Variants in APC2 observed in about 807,000 individuals in gnomAD.
The protein encoded by APC2 is APC regulator of Wnt signaling pathway 2.
Under a neutral mutation model 72.5 loss-of-function variants are expected in APC2, and 41 were observed. The observed-to-expected ratio is 0.57, with a 90% confidence interval of 0.44 to 0.73. The LOEUF (loss-of-function observed/expected upper bound fraction) is 0.73. Ranked by LOEUF, APC2 falls within the 30% of genes least tolerant of loss-of-function variation. The pLI is 0.00. For synonymous variants in APC2, 1,898 were observed against 1,612.0 expected (o/e 1.18, Z -4.25); for missense variants, 3,729 against 3,403.4 (o/e 1.10, Z -2.38).
chr19:1,466,478 G>A lies in APC2; in HGVS notation c.3177G>A (p.Ala1059=), dbSNP rs759783697. 3.8e-6 allele frequency: 6 copies of A among 1,597,966 alleles called. No homozygotes were observed. Among genetic ancestry groups the A allele is most frequent in the Non-Finnish European group, 4.2e-6 (5 of 1,179,484 alleles). The change falls in exon 15 of 15, where the codon GCG becomes GCA. Residue 1059 remains alanine, a synonymous_variant. Coordinates refer to ENST00000590469, the MANE Select transcript of APC2 (RefSeq NM_005883.3). The part of the protein sequence containing the change: ...SVASKALQKL[A]AQEGPLSLSR... Reference sequence around the variant, plus strand: ...CCAGCAAGGCACTGCAGAAACTGGCGGCGCAAGAGGGGCCACTCTCGCTGT... The same window carrying A: ...CCAGCAAGGCACTGCAGAAACTGGCAGCGCAAGAGGGGCCACTCTCGCTGT...
At chr19:1,463,085 G>A (rs1298909927) in intron 14 of APC2, among the ~76,000 whole-genome samples, 1 of 151,796 alleles carries the variant, frequency 6.6e-6, no homozygotes, top group African/African-American at 2.4e-5. Context: ...AGATCAGCCT[G>A]ACCAACATGG....
chr19:1,468,800 G>C lies in APC2; in HGVS notation c.5499G>C (p.Pro1833=). The C allele has an allele frequency of 6.5e-7, 1 of 1,532,006 alleles. No individual in the cohort carries two copies. Among genetic ancestry groups the C allele is most frequent in the Non-Finnish European group, 8.8e-7 (1 of 1,142,778 alleles). 94.9% of individuals were successfully genotyped at this position (1,532,006 alleles called of 1,614,324 possible). The change falls in exon 15 of 15, where the codon CCG becomes CCC. Residue 1833 remains proline (P), a synonymous_variant. Transcript: ENST00000590469. ...LAQPAAPAKV[P]SPGQQRSRSL... ...AGCCCGCGGCTCCAGCCAAAGTCCC[G>C]AGCCCCGGGCAGCAGCGGTCGCGGA...
chr19:1,457,896 G>GGGGGGGGGGGGC, intron 9 of APC2, 69 bp from the exon 10 acceptor site: 1 of 1,319,326 alleles, frequency 7.6e-7, no homozygotes, highest in Non-Finnish European at 9.8e-7. Context: ...GGCGGGTTGC[G>GGGGGGGGGGGGC]GGACCTTCGG....
chr19:1,454,367 T>C (rs946162948), intron 4 of APC2, among the ~76,000 whole-genome samples: 8 of 119,240 alleles, frequency 6.7e-5, no homozygotes, highest in Middle Eastern at 3.7e-3. Flanking sequence ...GCTTTCTCTT[T>C]TTTTTTTTTT....
At position 1,470,186 on chromosome 19, in the gene APC2, C is replaced by T; in HGVS notation, c.6885C>T (p.Ala2295=). 6.2e-7 allele frequency: 1 copy of T among 1,600,562 alleles called. No homozygotes were observed. The highest frequency in any genetic ancestry group is 8.5e-7 in the Non-Finnish European group (1 of 1,175,574). ...TTDSAAEKAP[A]TASATLLE Reference sequence around the variant, plus strand: ...ACTCGGCCGCGGAGAAAGCCCCGGCCACTGCCTCCGCCACCCTCCTGGAAT... The same window carrying T: ...ACTCGGCCGCGGAGAAAGCCCCGGCTACTGCCTCCGCCACCCTCCTGGAAT... The change falls in exon 15 of 15, where the codon GCC becomes GCT. Residue 2295 remains alanine, a synonymous_variant. Coordinates refer to ENST00000590469, the MANE Select transcript of APC2 (RefSeq NM_005883.3).
chr19:1,461,820 C>T (rs1383902725), intron 13 of APC2, 143 bp from the exon 14 acceptor site: 14 of 698,572 alleles, frequency 2.0e-5, no homozygotes, highest in Non-Finnish European at 3.0e-5. Flanking sequence ...CCACTGCACT[C>T]CAGCCTGGGG....
Position 1,470,371 on chromosome 19 carries a change from C to G in APC2, c.*158C>G. 1.8e-6 allele frequency: 2 copies of G among 1,095,822 alleles called. No homozygotes were observed. The highest frequency in any genetic ancestry group is 2.5e-6 in the Non-Finnish European group (2 of 807,354). 67.9% of individuals were successfully genotyped at this position (1,095,822 alleles called of 1,614,324 possible). A position where few individuals can be genotyped will look rare whatever the true frequency, so the allele number is the denominator to read the frequency against. Reference sequence around the variant, plus strand: ...AGAACCCCCGCCCAGCGCACGGCGACCTCGCGCCTCACCGGAAGACCTTGC... The same window carrying G: ...AGAACCCCCGCCCAGCGCACGGCGAGCTCGCGCCTCACCGGAAGACCTTGC... On this transcript the variant is annotated 3_prime_UTR_variant, in exon 15 of 15. Coordinates refer to ENST00000590469, the MANE Select transcript of APC2 (RefSeq NM_005883.3).
intron 4 of APC2, among the ~76,000 whole-genome samples, chr19:1,454,470 C>T (rs1599133521): frequency 6.6e-6 from 1 of 151,824 alleles, no homozygotes; most frequent in East Asian, 1.9e-4. Flanking sequence ...CCTCGAACTC[C>T]TGGGTTCAGG....
intron 6 of APC2, 68 bp downstream of exon 6, chr19:1,455,568 G>C (rs2083810066): frequency 7.0e-7 from 1 of 1,435,620 alleles, no homozygotes; most frequent in Non-Finnish European, 9.6e-7. Flanking sequence ...TCAGAGTGCA[G>C]ATATTATGGG....
Position 1,469,640 on chromosome 19 carries a change from C to G in APC2, c.6339C>G (p.Gly2113=). 1 of 1,229,816 alleles carries G rather than the reference C, an allele frequency of 8.1e-7. No homozygotes were observed. The highest frequency in any genetic ancestry group is 1.0e-6 in the Non-Finnish European group (1 of 986,782). The allele number at this position is 1,229,816 out of a possible 1,614,324, so 76.2% of individuals were successfully genotyped here. A position where few individuals can be genotyped will look rare whatever the true frequency, so the allele number is the denominator to read the frequency against. The change falls in exon 15 of 15, where the codon GGC becomes GGG. Residue 2113 remains glycine (G), a synonymous_variant. Transcript: ENST00000590469. ...PHISVARRPD[G]AVPAAPASAD... ...TCAGCGTGGCCCGCAGGCCCGACGG[C>G]GCCGTCCCCGCGGCCCCTGCCTCAG...
rs527640705 is a variant in APC2 at position 1,467,823 on chromosome 19, T to G, written c.4522T>G (p.Cys1508Gly). 3 of 1,514,142 alleles carry G rather than the reference T, an allele frequency of 2.0e-6. No homozygotes were observed. In the South Asian group the frequency reaches 3.8e-5, roughly 19 times the overall value. 93.8% of individuals were successfully genotyped at this position (1,514,142 alleles called of 1,614,324 possible). A position where few individuals can be genotyped will look rare whatever the true frequency, so the allele number is the denominator to read the frequency against. Reference protein sequence around the residue: ...LTTPTEEAVYCFYGNDSDEEP... With the variant: ...LTTPTEEAVYGFYGNDSDEEP... ...GACGCCCACTGAGGAGGCCGTGTAC[T>G]GCTTCTACGGCAACGACTCGGACGA... Residue 1508 changes from cysteine to glycine, a missense_variant, in exon 15 of 15, where the codon TGC becomes GGC. By Grantham distance (159) the Cys-to-Gly change is radical. Coordinates refer to ENST00000590469, the MANE Select transcript of APC2 (RefSeq NM_005883.3).
At chr19:1,447,886 G>A (rs539369824), upstream of APC2, among the ~76,000 whole-genome samples, 8 of 152,282 alleles carry the variant, frequency 5.3e-5, no homozygotes, top group African/African-American at 1.9e-4. Context: ...TACAAGGACA[G>A]GACTGACCTT....
In APC2 at chr19:1,458,185, GAC is replaced by G. The variant is rs2083868542; in HGVS notation, c.1303+127_1303+128del. On this transcript the variant is annotated intron_variant, in intron 10 of 14. Coordinates refer to ENST00000590469, the MANE Select transcript of APC2 (RefSeq NM_005883.3). The stretch of plus-strand genomic sequence containing the variant: ...GGCTGGGGATTGGAGCCCGGAGAGG[GAC>G]AGACTCCCTGGAGTCACATAGCACC... 5.8e-6 allele frequency: 5 copies of G among 856,770 alleles called. No individual in the cohort carries two copies. The African/African-American group carries it at 8.4e-5, about 14-fold the overall frequency. The allele number at this position is 856,770 out of a possible 1,614,324, so 53.1% of individuals were successfully genotyped here. A position where few individuals can be genotyped will look rare whatever the true frequency, so the allele number is the denominator to read the frequency against.
Position 1,453,578 on chromosome 19 carries a change from C to G in APC2, c.380C>G (p.Thr127Ser). 5.0e-6 allele frequency: 8 copies of G among 1,608,576 alleles called. No individual in the cohort carries two copies. Among genetic ancestry groups the G allele is most frequent in the Non-Finnish European group, 5.9e-6 (7 of 1,178,218 alleles). The change falls in exon 4 of 15, where the codon ACC becomes AGC. Residue 127 changes from threonine (T) to serine (S), a missense_variant. Physicochemically the swap from Thr to Ser is moderately conservative, Grantham distance 58 (BLOSUM62 1). Coordinates refer to ENST00000590469, the MANE Select transcript of APC2 (RefSeq NM_005883.3). ...AGCTTTGGGGAGCTGAGCCGGGCCA[C>G]CATCCGGCTGCTGGAGGAACTGGAC... ...KDSFGELSRA[T>S]IRLLEELDRE...
rs1488290615 is a variant in APC2 at position 1,472,929 on chromosome 19, T to C, written c.*2716T>C. The C allele has an allele frequency of 2.0e-5, 3 of 152,304 alleles. No homozygotes were observed. Among genetic ancestry groups the C allele is most frequent in the African/African-American group, 7.2e-5 (3 of 41,436 alleles). The allele number at this position is 152,304 out of a possible 1,614,324, so 9.4% of individuals were successfully genotyped here. A position where few individuals can be genotyped will look rare whatever the true frequency, so the allele number is the denominator to read the frequency against. On this transcript the variant is annotated 3_prime_UTR_variant, in exon 15 of 15. Transcript: ENST00000590469. ...CAGTGACCGCCACTGGCCCCCAACA[T>C]GACCACACGTGGGTGCTGAACTCGG...
chr19:1,457,895 C>CGGCGGGGGGGG, intron 9 of APC2, 70 bp from the exon 10 acceptor site: 3 of 1,233,430 alleles, frequency 2.4e-6, no homozygotes, highest in Non-Finnish European at 3.2e-6. Context: ...GGGCGGGTTG[C>CGGCGGGGGGGG]GGGACCTTCG....
chr19:1,456,233 C>T (rs2083823481), intron 7 of APC2, 73 bp from the exon 8 acceptor site: 29 of 1,553,590 alleles, frequency 1.9e-5, no homozygotes, highest in East Asian at 4.8e-5. Flanking sequence ...TGCCCGCCCC[C>T]GCCCACATCA....
intron 4 of APC2, 25 bp from the exon 5 acceptor site, chr19:1,455,124 C>T (rs1384245286): frequency 4.0e-6 from 6 of 1,507,154 alleles, no homozygotes; most frequent in Non-Finnish European, 4.5e-6. Context: ...CCCTCTGAGC[C>T]CGCCCCCGCT....
In APC2 at chr19:1,468,892, C is replaced by A. The variant is rs768951874; in HGVS notation, c.5591C>A (p.Pro1864Gln). Residue 1864 changes from proline to glutamine, a missense_variant, in exon 15 of 15, where the codon CCG becomes CAG. Transcript: ENST00000590469. ...AGCCAGCCCCCCAGAAGCGCCACAC[C>A]GCCCGCCCGCCTCGCCAAGACCCCC... Reference protein sequence around the residue: ...TLSQPPRSATPPARLAKTPSS... With the variant: ...TLSQPPRSATQPARLAKTPSS... 4 of 1,519,980 alleles carry A rather than the reference C, an allele frequency of 2.6e-6. No individual in the cohort carries two copies. The African/African-American group carries it at 4.3e-5, about 16-fold the overall frequency. The allele number at this position is 1,519,980 out of a possible 1,614,324, so 94.2% of individuals were successfully genotyped here. A position where few individuals can be genotyped will look rare whatever the true frequency, so the allele number is the denominator to read the frequency against.
Sources: allele counts gnomAD v4.1 joint callset (sites outside exome capture counted in the v4.1 genomes callset), GRCh38; gene constraint gnomAD v4.1.1; transcripts MANE v1.5; gene names NCBI Gene and HGNC (gene_info 2026-07-23, HGNC 2026-07-21).